Variants in NRDC observed in about 807,000 individuals in gnomAD.
NRDC encodes the protein nardilysin.
In NRDC, 54 loss-of-function variants were observed where a neutral mutation model predicts 147.1. The ratio of observed to expected loss-of-function variants is 0.37; its 90% CI spans 0.29 to 0.46. The LOEUF is 0.46. Among genes scored for constraint, NRDC ranks in the 20% least tolerant of loss-of-function variants. The pLI is 1.00. For missense variants in NRDC, 1,082 were observed against 1,370.6 expected (o/e 0.79, Z 3.33); for synonymous variants, 440 against 482.1 (o/e 0.91, Z 1.14).
chr1:51,815,189 T>C (rs1303776228), intron 11 of NRDC, among the ~76,000 whole-genome samples: 5 of 127,366 alleles, frequency 3.9e-5, no homozygotes, highest in Non-Finnish European at 8.7e-5. Flanking sequence ...TTTCTTTTTT[T>C]TTTTTTTTTT....
At chr1:51,798,164 C>G (rs1304156781) in intron 22 of NRDC, 85 bp downstream of exon 22, 3 of 1,388,168 alleles carry the variant, frequency 2.2e-6, no homozygotes, top group Non-Finnish European at 3.0e-6. Flanking sequence ...GCCAAAACTA[C>G]AGCTTCCCCT....
At chr1:51,826,468 A>C (rs1019433911) in intron 5 of NRDC, among the ~76,000 whole-genome samples, 1 of 152,190 alleles carries the variant, frequency 6.6e-6, no homozygotes, top group Non-Finnish European at 1.5e-5. Context: ...GAAGTAAGTA[A>C]ATAAAAATAG....
At chr1:51,792,490 G>A in intron 24 of NRDC, 66 bp from the exon 25 acceptor site, 1 of 1,447,368 alleles carries the variant, frequency 6.9e-7, no homozygotes, top group Non-Finnish European at 9.7e-7. Flanking sequence ...AAATAATCCA[G>A]CTATTCTAGG....
Position 51,803,975 on chromosome 1 carries a change from C to A in NRDC, c.2163-11G>T. On this transcript the variant is annotated splice_polypyrimidine_tract_variant and intron_variant, in intron 19 of 30. Transcript: ENST00000352171. Reference sequence around the variant, plus strand: ...TCAAAGAGGACCACACTAAGAAGTACAAAATGCAAATGGCATCTTTAATTG... The same window carrying A: ...TCAAAGAGGACCACACTAAGAAGTAAAAAATGCAAATGGCATCTTTAATTG... 2 of 1,557,488 alleles carry A rather than the reference C, an allele frequency of 1.3e-6. No homozygotes were observed.
At chr1:51,808,090 G>A (rs1041905620) in intron 17 of NRDC, among the ~76,000 whole-genome samples, 9 of 152,210 alleles carry the variant, frequency 5.9e-5, no homozygotes, top group Non-Finnish European at 1.2e-4. Flanking sequence ...ACAGGTATGA[G>A]CCATGGCACC....
At chr1:51,851,949 G>C (rs144885710) in intron 1 of NRDC, among the ~76,000 whole-genome samples, 4 of 152,228 alleles carry the variant, frequency 2.6e-5, no homozygotes, top group African/African-American at 9.6e-5. Context: ...TGTGACTTTT[G>C]CCATTTATCG....
chr1:51,809,034 A>C (rs1445146641), intron 17 of NRDC, among the ~76,000 whole-genome samples: 1 of 152,254 alleles, frequency 6.6e-6, no homozygotes, highest in African/African-American at 2.4e-5. Flanking sequence ...TGAAAGGATC[A>C]GCTACTCTAT....
chr1:51,834,502 G>A (rs1680855295), intron 3 of NRDC, among the ~76,000 whole-genome samples: 1 of 152,022 alleles, frequency 6.6e-6, no homozygotes, highest in South Asian at 2.1e-4. Context: ...TTTTAGTAGA[G>A]ATGGGGTTTC....
intron 22 of NRDC, 153 bp from the exon 23 acceptor site, chr1:51,795,007 T>C: frequency 5.3e-6 from 8 of 1,502,624 alleles, no homozygotes; most frequent in Non-Finnish European, 7.1e-6. Flanking sequence ...AAGTTATTCA[T>C]TGACTGATTC....
At chr1:51,790,865 G>A (rs1173194626) in intron 28 of NRDC, 35 bp downstream of exon 28, 4 of 1,555,810 alleles carry the variant, frequency 2.6e-6, no homozygotes, top group Non-Finnish European at 3.5e-6. Flanking sequence ...GGCTTGTGTG[G>A]GCCAAAGGCC....
intron 1 of NRDC, among the ~76,000 whole-genome samples, chr1:51,868,830 A>G (rs1371469239): frequency 6.6e-6 from 1 of 152,172 alleles, no homozygotes; most frequent in Admixed American, 6.5e-5. Flanking sequence ...CTGAGATCAC[A>G]CCACTGCACT....
chr1:51,789,323 C>A lies in NRDC; in HGVS notation c.3369G>T (p.Leu1123=). 1 of 1,614,136 alleles carries A rather than the reference C, an allele frequency of 6.2e-7. No individual in the cohort carries two copies. The highest frequency in any genetic ancestry group is 1.1e-5 in the South Asian group (1 of 91,090). The change falls in exon 31 of 31, where the codon CTG becomes CTT. Residue 1123 remains leucine (L), a synonymous_variant. Coordinates refer to ENST00000352171, the MANE Select transcript of NRDC (RefSeq NM_001101662.2). Reference sequence around the variant, plus strand: ...TAATGGGGATGATACAATCTGCCAGCAGAGGAGAGGTTGGCAGGTAGGTCA... The same window carrying A: ...TAATGGGGATGATACAATCTGCCAGAAGAGGAGAGGTTGGCAGGTAGGTCA... The part of the protein sequence containing the change: ...MQLTYLPTSP[L]LADCIIPITD...
At chr1:51,845,518 G>A (rs1343207533) in intron 1 of NRDC, among the ~76,000 whole-genome samples, 5 of 152,126 alleles carry the variant, frequency 3.3e-5, no homozygotes, top group Non-Finnish European at 7.4e-5. Context: ...ACTCGAACCC[G>A]GGAGGCGGAG....
chr1:51,792,351 C>G, intron 25 of NRDC, 26 bp downstream of exon 25: 12 of 1,611,182 alleles, frequency 7.4e-6, no homozygotes, highest in Non-Finnish European at 1.0e-5. Context: ...CTGCTGAAAA[C>G]CTCAGCATCT....
chr1:51,795,358 A>G (rs1336356853), intron 22 of NRDC: 1 of 465,492 alleles, frequency 2.1e-6, no homozygotes, highest in Non-Finnish European at 3.4e-6. Context: ...AATTCATGGT[A>G]CTAAGGACTC....
chr1:51,834,807 A>G (rs978541236), intron 3 of NRDC, among the ~76,000 whole-genome samples: 4 of 152,170 alleles, frequency 2.6e-5, no homozygotes, highest in African/African-American at 4.8e-5. Context: ...TAAAATTCAA[A>G]CAAATTCACA....
At position 51,792,088 on chromosome 1, in the gene NRDC, TC is replaced by T; in HGVS notation, c.2833del (p.Glu945LysfsTer29). ...TLMELLVMHM[E>X]EPCFDFLRTK... is the part of the protein sequence containing the mutation. ...TCGAAGGAAGTCAAAACAAGGTTCT[TC>T]CATGTGCATCTGTAATTCAACATAC... is the stretch of plus-strand genomic sequence containing the variant. On this transcript the variant is annotated frameshift_variant, in exon 26 of 31. Coordinates refer to ENST00000352171, the MANE Select transcript of NRDC (RefSeq NM_001101662.2). LOFTEE classifies it high-confidence loss of function. 6.2e-7 allele frequency: 1 copy of T among 1,613,904 alleles called. No individual in the cohort carries two copies. Among genetic ancestry groups the T allele is most frequent in the Non-Finnish European group, 8.5e-7 (1 of 1,179,994 alleles).
At position 51,806,903 on chromosome 1, in the gene NRDC, A is replaced by G; in HGVS notation, c.2001T>C (p.Phe667=). 6.2e-6 allele frequency: 10 copies of G among 1,613,794 alleles called. No homozygotes were observed. Among genetic ancestry groups the G allele is most frequent in the Non-Finnish European group, 8.5e-6 (10 of 1,179,810 alleles). Residue 667 remains phenylalanine (F), a synonymous_variant, in exon 18 of 31, where the codon TTT becomes TTC. Transcript: ENST00000352171. ...PAENKYIATD[F]TLKAFDCPET... ...CCGGGCAATCGAAAGCCTTCAACGT[A>G]AAGTCCGTGGCTAATAAAAGAAGAT...
intron 2 of NRDC, among the ~76,000 whole-genome samples, chr1:51,838,874 CT>C (rs1001943170): frequency 2.0e-5 from 3 of 151,848 alleles, no homozygotes; most frequent in East Asian, 1.9e-4. Flanking sequence ...ATATATATAC[CT>C]TTTTTTCCCC....
Sources: gnomAD v4.1 joint callset for allele counts (sites outside exome capture counted in the v4.1 genomes callset) on GRCh38, gnomAD v4.1.1 for gene constraint, MANE v1.5 for transcripts, NCBI Gene and HGNC (gene_info 2026-07-23, HGNC 2026-07-21) for gene names.